PIAS4: variants seen among roughly 807,000 people sequenced by gnomAD.
The protein encoded by PIAS4 is protein inhibitor of activated STAT 4.
Under a neutral mutation model 58.0 loss-of-function variants are expected in PIAS4, and 7 were observed. The observed-to-expected ratio is 0.12, with a 90% CI of 0.07 to 0.23. The LOEUF is 0.23. Among genes scored for constraint, PIAS4 ranks in the 10% least tolerant of loss-of-function variants. The pLI is 1.00. For missense variants in PIAS4, 550 were observed against 709.5 expected (o/e 0.78, Z 2.55); for synonymous variants, 364 against 312.4 (o/e 1.17, Z -1.74).
At chr19:4,015,738 C>T (rs1380314607) in intron 2 of PIAS4, among the ~76,000 whole-genome samples, 3 of 152,210 alleles carry the variant, frequency 2.0e-5, no homozygotes, top group African/African-American at 7.2e-5. Flanking sequence ...CCAGTTCCAC[C>T]GGCTTCTCCC....
chr19:4,008,836 C>T (rs968515420), intron 1 of PIAS4, among the ~76,000 whole-genome samples: 1 of 151,874 alleles, frequency 6.6e-6, no homozygotes, highest in Non-Finnish European at 1.5e-5. Context: ...TTTCTAAGGT[C>T]CCCTCTCTTT....
rs200403101 is a variant in PIAS4, at chr19:4,028,613, C to T, written c.672+13C>T. ...CTGCTCCGTCCCGGTGAGCATGCCC[C>T]GCCCCCGCGTCGGCTGCACGGGTTT... is the stretch of plus-strand genomic sequence containing the variant. On this transcript the variant is annotated intron_variant, in intron 5 of 10. Coordinates refer to ENST00000262971, the MANE Select transcript of PIAS4 (RefSeq NM_015897.4). 8.7e-6 allele frequency: 14 copies of T among 1,611,730 alleles called. No homozygotes were observed. The highest frequency in any genetic ancestry group is 2.2e-5 in the East Asian group (1 of 44,844).
rs141115999 is a variant in PIAS4, at chr19:4,012,567, G to A, written c.28-356G>A. Reference sequence around the variant, plus strand: ...GTCAGAGAGGCATTTGGTGTTTGCCGGTAAGGCACTGGCAGAGGCTGTTTA... The same window carrying A: ...GTCAGAGAGGCATTTGGTGTTTGCCAGTAAGGCACTGGCAGAGGCTGTTTA... On this transcript the variant is annotated intron_variant, in intron 1 of 10. Transcript: ENST00000262971. Among the ~76,000 whole-genome samples the A allele has an allele frequency of 7.8e-3, 1,194 of 152,278 alleles. 5 individuals are homozygous for A. The highest frequency in any genetic ancestry group is 0.017 in the Middle Eastern group (5 of 294).
chr19:4,027,388 C>T (rs1005403893), intron 3 of PIAS4, among the ~76,000 whole-genome samples: 1 of 152,154 alleles, frequency 6.6e-6, no homozygotes, highest in African/African-American at 2.4e-5. Flanking sequence ...GGCTGGGTCG[C>T]GTCCCGTGCG....
At chr19:4,023,263 G>A (rs537724835) in intron 2 of PIAS4, among the ~76,000 whole-genome samples, 22 of 151,452 alleles carry the variant, frequency 1.5e-4, no homozygotes, top group Non-Finnish European at 3.1e-4. Context: ...CGGATCACCT[G>A]AGGTCACGAG....
intron 9 of PIAS4, among the ~76,000 whole-genome samples, chr19:4,035,202 G>T (rs1424922992): frequency 1.3e-5 from 2 of 152,260 alleles, no homozygotes; most frequent in African/African-American, 2.4e-5. Flanking sequence ...AGAAAGGGTG[G>T]CCCAGAGTGG....
rs1302736773 is a variant in PIAS4 at position 4,037,843 on chromosome 19, C to T, written c.1501C>T (p.Pro501Ser). 3.2e-6 allele frequency: 5 copies of T among 1,568,116 alleles called. No homozygotes were observed. The highest frequency in any genetic ancestry group is 1.9e-5 in the Admixed American group (1 of 52,996). ...EEGPRPKRRC[P>S]FQKGLVPAC ...GGGGCCCCGGCCCAAGCGCCGCTGC[C>T]CCTTCCAGAAGGGCCTGGTGCCGGC... Residue 501 changes from proline to serine, a missense_variant, in exon 11 of 11, where the codon CCC becomes TCC. Physicochemically the swap from Pro to Ser is moderately conservative, Grantham distance 74 (BLOSUM62 -1). This residue lies in a region of PIAS4 where 188 missense variants were observed against 192.0 expected (regional missense o/e 0.98). Transcript: ENST00000262971. The surrounding 1 kb of genome is among the most constrained non-coding windows in gnomAD (Gnocchi z 5.8).
chr19:4,016,538 A>G (rs761827406), intron 2 of PIAS4, among the ~76,000 whole-genome samples: 3 of 152,246 alleles, frequency 2.0e-5, no homozygotes, highest in African/African-American at 4.8e-5. Context: ...GGTGCAGCAC[A>G]GAAGTGCCAG....
chr19:4,034,690 G>GGGGCTT (rs1335426149), intron 9 of PIAS4, among the ~76,000 whole-genome samples: 1 of 152,240 alleles, frequency 6.6e-6, no homozygotes, highest in African/African-American at 2.4e-5. Flanking sequence ...GGCCCGGAGT[G>GGGGCTT]GGGCTTGGGC....
chr19:4,014,336 A>C (rs553270896), intron 2 of PIAS4, among the ~76,000 whole-genome samples: 1 of 152,222 alleles, frequency 6.6e-6, no homozygotes, highest in African/African-American at 2.4e-5. Flanking sequence ...GCAGGTGGGC[A>C]TTGAGCCCAG....
At position 4,033,188 on chromosome 19, in the gene PIAS4, G is replaced by A. The variant is rs1031015954; in HGVS notation, c.981+15G>A. 11 of 1,602,996 alleles carry A rather than the reference G, an allele frequency of 6.9e-6. No homozygotes were observed. The highest frequency in any genetic ancestry group is 2.7e-5 in the African/African-American group (2 of 74,804). ...TCATCTGTCCGGTGAGTCGGGGCGC[G>A]GTCCCCTCCTCGAGGCCTCTCCTGC... On this transcript the variant is annotated intron_variant, in intron 8 of 10. Coordinates refer to ENST00000262971, the MANE Select transcript of PIAS4 (RefSeq NM_015897.4).
At chr19:4,031,632 G>A (rs186081458) in intron 7 of PIAS4, among the ~76,000 whole-genome samples, 272 of 152,224 alleles carry the variant, frequency 1.8e-3, no homozygotes, top group African/African-American at 6.4e-3. Context: ...GGTGGGGGCC[G>A]GGCTTAACTC....
chr19:4,013,263 C>G lies in PIAS4; in HGVS notation c.368C>G (p.Pro123Arg), dbSNP rs1247209233. 33 of 1,613,244 alleles carry G rather than the reference C, an allele frequency of 2.0e-5. No homozygotes were observed. Among genetic ancestry groups the G allele is most frequent in the Non-Finnish European group, 2.5e-5 (30 of 1,180,014 alleles). Residue 123 changes from proline (P) to arginine (R), a missense_variant, in exon 2 of 11, where the codon CCC (proline) becomes CGC (arginine). Coordinates refer to ENST00000262971, the MANE Select transcript of PIAS4 (RefSeq NM_015897.4). The surrounding 1 kb of genome is among the most constrained non-coding windows in gnomAD (Gnocchi z 5.1). Reference sequence around the variant, plus strand: ...TACTTAAACGGACTGGGACGGTTGCCCGCCAAGACCCTCAAGCCAGAAGTC... The same window carrying G: ...TACTTAAACGGACTGGGACGGTTGCGCGCCAAGACCCTCAAGCCAGAAGTC... Reference protein sequence around the residue: ...GKYLNGLGRLPAKTLKPEVRL... With the variant: ...GKYLNGLGRLRAKTLKPEVRL...
chr19:4,026,673 A>G (rs1303759544), intron 3 of PIAS4, among the ~76,000 whole-genome samples: 1 of 151,804 alleles, frequency 6.6e-6, no homozygotes, highest in Non-Finnish European at 1.5e-5. Flanking sequence ...ATCACATACT[A>G]TGTGGCTTTC....
chr19:4,025,546 A>G (rs1044087363), intron 3 of PIAS4, among the ~76,000 whole-genome samples: 7 of 152,076 alleles, frequency 4.6e-5, no homozygotes, highest in Non-Finnish European at 7.4e-5. Context: ...CACCGCCCCC[A>G]CCTGCTGTGG....
Position 4,012,974 on chromosome 19 carries a change from G to A in PIAS4, c.79G>A (p.Val27Met), listed in dbSNP as rs374253879. 1.3e-5 allele frequency: 21 copies of A among 1,613,584 alleles called. No homozygotes were observed. Among genetic ancestry groups the A allele is most frequent in the Non-Finnish European group, 1.8e-5 (21 of 1,179,950 alleles). ...VSDLQMLLGF[V>M]GRSKSGLKHE... ...CGACCTTCAGATGCTCCTGGGTTTC[G>A]TGGGCCGGAGTAAGAGTGGACTGAA... is the stretch of plus-strand genomic sequence containing the variant. Residue 27 changes from valine (V) to methionine (M), a missense_variant, in exon 2 of 11, where the codon GTG becomes ATG. Around this residue, in one of 4 missense-constraint regions of PIAS4, gnomAD observed 42 missense variants for 84.3 expected, o/e 0.50. Coordinates refer to ENST00000262971, the MANE Select transcript of PIAS4 (RefSeq NM_015897.4).
chr19:4,023,396 G>T (rs1005319764), intron 2 of PIAS4, among the ~76,000 whole-genome samples: 2 of 152,176 alleles, frequency 1.3e-5, no homozygotes, highest in Non-Finnish European at 2.9e-5. Context: ...GGAGACGGAG[G>T]TTGCAGTCAG....
chr19:4,030,618 CAA>C (rs900631829), intron 7 of PIAS4, among the ~76,000 whole-genome samples: 11 of 121,242 alleles, frequency 9.1e-5, no homozygotes, highest in Non-Finnish European at 8.9e-5. Context: ...GACTCCATCT[CAA>C]AAAAAAAAAA....
chr19:4,026,854 T>C (rs2040169823), intron 3 of PIAS4, among the ~76,000 whole-genome samples: 1 of 151,978 alleles, frequency 6.6e-6, no homozygotes, highest in Admixed American at 6.6e-5. Context: ...AGCTAATATT[T>C]GTATTTTTTT....
Sources: allele counts gnomAD v4.1 joint callset (sites outside exome capture counted in the v4.1 genomes callset), GRCh38; gene constraint gnomAD v4.1.1; regional missense constraint gnomAD v4.1.1; non-coding constraint Gnocchi (gnomAD v3.1); transcripts MANE v1.5; gene names NCBI Gene and HGNC (gene_info 2026-07-23, HGNC 2026-07-21).